Variants in BICRA observed in about 807,000 individuals in gnomAD.
The protein encoded by BICRA is BRD4-interacting chromatin-remodeling complex-associated protein.
BICRA carries 31 observed loss-of-function variants against 96.9 expected under a neutral mutation model. The ratio of observed to expected loss-of-function variants is 0.32; its 90% CI spans 0.24 to 0.43. BICRA has a LOEUF of 0.43. Among genes scored for constraint, BICRA ranks in the 20% least tolerant of loss-of-function variants. The pLI, the probability that BICRA is intolerant of heterozygous loss-of-function variation, is 1.00. For synonymous variants in BICRA, 1,350 were observed against 1,071.8 expected (o/e 1.26, Z -5.07); for missense variants, 2,283 against 2,190.3 (o/e 1.04, Z -0.84).
rs1271014471 is a variant in BICRA at position 47,699,104 on chromosome 19, G to C, written c.3492+45G>C. ...CCTCGCCTCTGGGCTCCTCCTCGCT[G>C]GGACACTGCCCCTTTCCCTCACCCG... is the stretch of plus-strand genomic sequence containing the variant. On this transcript the variant is annotated intron_variant, in intron 13 of 14. Coordinates refer to ENST00000594866, the MANE Select transcript of BICRA (RefSeq NM_001394372.1). This position sits in a 1 kb window ranked among gnomAD's most constrained non-coding sequence, Gnocchi z 5.0. The C allele has an allele frequency of 7.7e-6, 10 of 1,292,906 alleles. No individual in the cohort carries two copies. Among genetic ancestry groups the C allele is most frequent in the Non-Finnish European group, 1.1e-5 (10 of 914,902 alleles). The allele number at this position is 1,292,906 out of a possible 1,614,324, so 80.1% of individuals were successfully genotyped here.
chr19:47,621,466 CTT>C (rs751401159), intron 1 of BICRA, among the ~76,000 whole-genome samples: 186 of 134,836 alleles, frequency 1.4e-3, no homozygotes, highest in South Asian at 8.2e-3. Context: ...ATTTTTTAGT[CTT>C]TTTTTTTTTT....
intron 1 of BICRA, among the ~76,000 whole-genome samples, chr19:47,655,525 C>CA (rs58172799): frequency 0.34 from 21,693 of 64,722 alleles, 3,194 homozygotes; most frequent in Non-Finnish European, 0.41. Context: ...AACTCTGTCT[C>CA]AAAAAAAAAA....
intron 7 of BICRA, among the ~76,000 whole-genome samples, chr19:47,685,165 G>T (rs1308572637): frequency 2.0e-5 from 3 of 151,180 alleles, no homozygotes; most frequent in Admixed American, 6.6e-5. Flanking sequence ...TTTGTTTTGT[G>T]GGGGAGATAT....
chr19:47,680,674 G>C lies in BICRA; in HGVS notation c.1504G>C (p.Ala502Pro). Residue 502 changes from alanine to proline, a missense_variant, in exon 6 of 15, where the codon GCC becomes CCC. By Grantham distance (27) the Ala-to-Pro change is conservative. Transcript: ENST00000594866. The part of the protein sequence containing the change: ...NVGGQILAAA[A>P]PHTGGQLIAN... ...GGGCGGGCAGATCCTGGCGGCCGCT[G>C]CCCCCCACACAGGTGGACAGCTCAT... 1 of 1,604,750 alleles carries C rather than the reference G, an allele frequency of 6.2e-7. No individual in the cohort carries two copies. Among genetic ancestry groups the C allele is most frequent in the Non-Finnish European group, 8.5e-7 (1 of 1,175,774 alleles).
At position 47,679,719 on chromosome 19, in the gene BICRA, G is replaced by A. The variant is rs1005150571; in HGVS notation, c.549G>A (p.Pro183=). Residue 183 remains proline, a synonymous_variant, in exon 6 of 15, where the codon CCG becomes CCA. Coordinates refer to ENST00000594866, the MANE Select transcript of BICRA (RefSeq NM_001394372.1). ...PTVLTHQALV[P]PQDVVNKALS... is the part of the protein sequence containing the mutation. ...TGCTGACCCACCAGGCCCTGGTGCCGCCCCAGGACGTGGTCAACAAGGCCC... is the reference window on the plus strand; with the variant it reads ...TGCTGACCCACCAGGCCCTGGTGCCACCCCAGGACGTGGTCAACAAGGCCC... 14 of 1,535,856 alleles carry A rather than the reference G, an allele frequency of 9.1e-6. No homozygotes were observed. The highest frequency in any genetic ancestry group is 2.0e-5 in the Admixed American group (1 of 49,768).
chr19:47,700,181 C>T (rs1387250299), intron 14 of BICRA: 2 of 152,408 alleles, frequency 1.3e-5, no homozygotes, highest in African/African-American at 4.8e-5. Flanking sequence ...GGGCAAGTTA[C>T]TTACCTTCTC....
At chr19:47,639,366 T>A (rs1972349327) in intron 1 of BICRA, among the ~76,000 whole-genome samples, 1 of 138,718 alleles carries the variant, frequency 7.2e-6, no homozygotes, top group Admixed American at 7.4e-5. Flanking sequence ...TCGCTCTGTC[T>A]CCCAGGCTGG....
In BICRA at chr19:47,614,612, G is replaced by A. The variant is rs984573150; in HGVS notation, c.-108+5444G>A. On this transcript the variant is annotated intron_variant, in intron 1 of 14. Transcript: ENST00000594866. Reference sequence around the variant, plus strand: ...TCCACTCCAGCCTGGGCGACACAGCGAGACTCTGTCTAAAACAAACAAACA... The same window carrying A: ...TCCACTCCAGCCTGGGCGACACAGCAAGACTCTGTCTAAAACAAACAAACA... Among the ~76,000 whole-genome samples, 8 of 152,236 alleles carry A rather than the reference G, an allele frequency of 5.3e-5. No individual in the cohort carries two copies. In the South Asian group the frequency reaches 6.2e-4, roughly 12 times the overall value.
At chr19:47,695,540 TG>T in intron 10 of BICRA, 66 bp downstream of exon 10, 3 of 748,738 alleles carry the variant, frequency 4.0e-6, no homozygotes, top group Admixed American at 2.3e-5. Context: ...GAACTGGGGC[TG>T]GCAGGGGCAG....
At chr19:47,668,192 T>C (rs947786037) in intron 1 of BICRA, among the ~76,000 whole-genome samples, 4 of 152,196 alleles carry the variant, frequency 2.6e-5, no homozygotes, top group African/African-American at 9.7e-5. Context: ...ATCGCGTCAT[T>C]GCACCCAGCA....
chr19:47,654,396 A>C (rs1179353179), intron 1 of BICRA, among the ~76,000 whole-genome samples: 1 of 151,980 alleles, frequency 6.6e-6, no homozygotes, highest in East Asian at 1.9e-4. Context: ...TTACTACTGC[A>C]ATAGTCCTGC....
rs1290665386 is a variant in BICRA, at chr19:47,673,841, C to G, written c.84+79C>G. 4 of 1,233,002 alleles carry G rather than the reference C, an allele frequency of 3.2e-6. No individual in the cohort carries two copies. The Admixed American group carries it at 6.7e-5, about 21-fold the overall frequency. 76.4% of individuals were successfully genotyped at this position (1,233,002 alleles called of 1,614,324 possible). ...GAGTGAGGGACAGGGAGAGACATGTCCCTTTGATGAGGTAGCCATCTGCCT... is the reference window on the plus strand; with the variant it reads ...GAGTGAGGGACAGGGAGAGACATGTGCCTTTGATGAGGTAGCCATCTGCCT... On this transcript the variant is annotated intron_variant, in intron 4 of 14. Coordinates refer to ENST00000594866, the MANE Select transcript of BICRA (RefSeq NM_001394372.1).
chr19:47,681,045 C>A lies in BICRA; in HGVS notation c.1875C>A (p.Pro625=). The A allele has an allele frequency of 7.1e-7, 1 of 1,413,108 alleles. No homozygotes were observed. The highest frequency in any genetic ancestry group is 1.5e-5 in the South Asian group (1 of 67,926). 87.5% of individuals were successfully genotyped at this position (1,413,108 alleles called of 1,614,324 possible). A position where few individuals can be genotyped will look rare whatever the true frequency, so the allele number is the denominator to read the frequency against. The part of the protein sequence containing the change: ...AAPVLTVQPA[P]QAPPAVSTPL... Reference sequence around the variant, plus strand: ...CTGTCCTCACGGTGCAGCCTGCCCCCCAGGCGCCCCCCGCGGTCAGCACAC... The same window carrying A: ...CTGTCCTCACGGTGCAGCCTGCCCCACAGGCGCCCCCCGCGGTCAGCACAC... Residue 625 remains proline, a synonymous_variant, in exon 6 of 15, where the codon CCC becomes CCA. Coordinates refer to ENST00000594866, the MANE Select transcript of BICRA (RefSeq NM_001394372.1).
At chr19:47,685,809 A>T in intron 7 of BICRA, among the ~76,000 whole-genome samples, 1 of 136,856 alleles carries the variant, frequency 7.3e-6, no homozygotes, top group African/African-American at 2.8e-5. Flanking sequence ...GCATGCGTAC[A>T]TTTTCCCTTT....
rs967981328 is a variant in BICRA at position 47,679,869 on chromosome 19, G to A, written c.699G>A (p.Ala233=). ...CCACGGCGGCCACACTGGGCCTGGC[G>A]CCCATCCAGGTGGTGGGCCAGCCCG... The part of the protein sequence containing the change: ...GGATAATLGL[A]PIQVVGQPVM... The change falls in exon 6 of 15, where the codon GCG becomes GCA. Residue 233 remains alanine (A), a synonymous_variant. Transcript: ENST00000594866. 8.6e-6 allele frequency: 13 copies of A among 1,515,328 alleles called. 1 individual carries two copies. The East Asian group carries it at 2.0e-4, about 24-fold the overall frequency. 93.9% of individuals were successfully genotyped at this position (1,515,328 alleles called of 1,614,324 possible).
At chr19:47,609,508 C>T (rs1971863973) in intron 1 of BICRA, among the ~76,000 whole-genome samples, 1 of 151,452 alleles carries the variant, frequency 6.6e-6, no homozygotes, top group African/African-American at 2.4e-5. Flanking sequence ...CTGCCCAGAC[C>T]CGGCGCCCAG....
At chr19:47,621,862 G>C (rs1972069552) in intron 1 of BICRA, among the ~76,000 whole-genome samples, 1 of 152,038 alleles carries the variant, frequency 6.6e-6, no homozygotes, top group African/African-American at 2.4e-5. Context: ...TGCGATCTTG[G>C]CTCACTGCAA....
At chr19:47,695,342 T>TCGGGGGGGGGGCCCCCC in intron 9 of BICRA, 23 bp from the exon 10 acceptor site, 2 of 630,200 alleles carry the variant, frequency 3.2e-6, no homozygotes, top group Non-Finnish European at 5.7e-6. Flanking sequence ...AGGCCCTGTC[T>TCGGGGGGGGGGCCCCCC]CCCCCACCCC....
At position 47,701,832 on chromosome 19, in the gene BICRA, C is replaced by A. The variant is rs371261338; in HGVS notation, c.4100C>A (p.Pro1367Gln). The change falls in exon 15 of 15, where the codon CCG (proline) becomes CAG (glutamine). Residue 1367 changes from proline (P) to glutamine (Q), a missense_variant. Physicochemically the swap from Pro to Gln is moderately conservative, Grantham distance 76 (BLOSUM62 -1). Transcript: ENST00000594866. This position sits in a 1 kb window ranked among gnomAD's most constrained non-coding sequence, Gnocchi z 5.4. ...GQMNGTVDHP[P>Q]PAAPERKPLG... ...ATGAACGGCACGGTGGACCACCCGCCGCCTGCCGCCCCCGAGCGCAAGCCC... is the reference window on the plus strand; with the variant it reads ...ATGAACGGCACGGTGGACCACCCGCAGCCTGCCGCCCCCGAGCGCAAGCCC... 5.4e-5 allele frequency: 83 copies of A among 1,523,966 alleles called. No homozygotes were observed. In the East Asian group the frequency reaches 6.8e-4, roughly 13 times the overall value. The allele number at this position is 1,523,966 out of a possible 1,614,324, so 94.4% of individuals were successfully genotyped here. A position where few individuals can be genotyped will look rare whatever the true frequency, so the allele number is the denominator to read the frequency against.
Sources: gnomAD v4.1 joint callset for allele counts (sites outside exome capture counted in the v4.1 genomes callset) on GRCh38, gnomAD v4.1.1 for gene constraint, Gnocchi (gnomAD v3.1) non-coding constraint, MANE v1.5 for transcripts, NCBI Gene and HGNC (gene_info 2026-07-23, HGNC 2026-07-21) for gene names.